The following PIGG variants were observed in gnomAD, a reference collection of about 807,000 sequenced individuals.
PIGG encodes phosphatidylinositol glycan anchor biosynthesis class G (EMM blood group), also known as GPI ethanolamine phosphate transferase 2, catalytic subunit.
PIGG carries 70 observed loss-of-function variants against 83.2 expected under a neutral mutation model. That is an observed-to-expected ratio of 0.84 (90% CI 0.69 to 1.03). The LOEUF (loss-of-function observed/expected upper bound fraction) is 1.03. PIGG is among the 50% of genes least tolerant of loss of function. PIGG has a pLI of 0.00. For synonymous variants in PIGG, 532 were observed against 519.5 expected (o/e 1.02, Z -0.33); for missense variants, 1,257 against 1,233.6 (o/e 1.02, Z -0.28).
intron 7 of PIGG, 122 bp from the exon 8 acceptor site, chr4:521,538 C>T: frequency 1.0e-6 from 1 of 953,126 alleles, no homozygotes; most frequent in Non-Finnish European, 1.5e-6. Flanking sequence ...TCATCTTTTC[C>T]TGAGCTTGCT....
intron 6 of PIGG, among the ~76,000 whole-genome samples, chr4:519,648 G>T (rs921524353): frequency 5.9e-5 from 9 of 152,266 alleles, no homozygotes; most frequent in African/African-American, 1.9e-4. Context: ...TAGTGTTGCT[G>T]GCTACTGGCA....
intron 8 of PIGG, chr4:522,950 T>G (rs1726447196): frequency 6.5e-6 from 1 of 153,894 alleles, no homozygotes; most frequent in Non-Finnish European, 1.4e-5. Context: ...GTTCTGGATT[T>G]CTAGAATATT....
At chr4:531,228 A>T (rs1728974545) in intron 11 of PIGG, 1 of 140,156 alleles carries the variant, frequency 7.1e-6, no homozygotes, top group African/African-American at 3.3e-5. Flanking sequence ...TTGAAGAGAC[A>T]TAGAGGGACA....
At chr4:503,967 T>A (rs899171066) in intron 2 of PIGG, among the ~76,000 whole-genome samples, 2 of 152,084 alleles carry the variant, frequency 1.3e-5, no homozygotes, top group Non-Finnish European at 1.5e-5. Flanking sequence ...GTTCACATTT[T>A]AAAAAATAAC....
chr4:521,388 T>C (rs1372076782), intron 7 of PIGG, 115 bp downstream of exon 7: 3 of 761,456 alleles, frequency 3.9e-6, no homozygotes, highest in Non-Finnish European at 4.2e-6. Flanking sequence ...AAATATTAAT[T>C]TTCTTGTTTA....
At chr4:526,624 G>C (rs780679697) in intron 9 of PIGG, among the ~76,000 whole-genome samples, 1 of 152,130 alleles carries the variant, frequency 6.6e-6, no homozygotes, top group African/African-American at 2.4e-5. Context: ...ACAAGAGGAC[G>C]GTTTCTATTT....
chr4:507,357 TC>T lies in PIGG; in HGVS notation c.571-46del, dbSNP rs782510092. ...TTGCGTTTTCCCCGGGGAGTGAAGATCCAGGGAAATTAGGTGAGTTGTTTAT... is the reference window on the plus strand; with the variant it reads ...TTGCGTTTTCCCCGGGGAGTGAAGATCAGGGAAATTAGGTGAGTTGTTTAT... On this transcript the variant is annotated intron_variant, in intron 3 of 12. Transcript: ENST00000453061. 3 of 1,437,896 alleles carry T rather than the reference TC, an allele frequency of 2.1e-6. No individual in the cohort carries two copies. In the South Asian group the frequency reaches 3.8e-5, roughly 18 times the overall value. 89.1% of individuals were successfully genotyped at this position (1,437,896 alleles called of 1,614,324 possible). A position where few individuals can be genotyped will look rare whatever the true frequency, so the allele number is the denominator to read the frequency against.
chr4:534,787 CG>C (rs900176685), intron 12 of PIGG, among the ~76,000 whole-genome samples: 1 of 151,966 alleles, frequency 6.6e-6, no homozygotes, highest in South Asian at 2.1e-4. Context: ...CAGATGTCCC[CG>C]GGGGATCCCA....
At chr4:525,179 C>T (rs1727235589) in intron 9 of PIGG, 1 of 984,912 alleles carries the variant, frequency 1.0e-6, no homozygotes, top group Non-Finnish European at 1.2e-6. Flanking sequence ...AGGGACAGAG[C>T]CGTGTGGGGG....
At chr4:499,613 C>T in intron 1 of PIGG, 124 bp downstream of exon 1, 1 of 1,424,944 alleles carries the variant, frequency 7.0e-7, no homozygotes, top group Non-Finnish European at 9.1e-7. Flanking sequence ...ATTATGGTCC[C>T]CACCTCAGAA....
At chr4:535,032 A>G (rs1320743557) in intron 12 of PIGG, among the ~76,000 whole-genome samples, 2 of 152,130 alleles carry the variant, frequency 1.3e-5, no homozygotes. Context: ...TCCTCATCGT[A>G]TGTTTCTTGC....
chr4:522,101 G>A, intron 8 of PIGG, 160 bp downstream of exon 8: 7 of 740,020 alleles, frequency 9.5e-6, no homozygotes, highest in South Asian at 1.6e-5. Context: ...AGGACGTGGA[G>A]CAGCCTTATC....
At chr4:532,464 T>G (rs1216100152) in intron 11 of PIGG, 1 of 152,298 alleles carries the variant, frequency 6.6e-6, no homozygotes, top group East Asian at 1.9e-4. Context: ...TCAGTCTCCC[T>G]GCAGAAGAGC....
chr4:522,133 C>T lies in PIGG; in HGVS notation c.1614+192C>T, dbSNP rs932493624. 3 of 645,966 alleles carry T rather than the reference C, an allele frequency of 4.6e-6. No individual in the cohort carries two copies. In the African/African-American group the frequency reaches 5.4e-5, roughly 12 times the overall value. 40.0% of individuals were successfully genotyped at this position (645,966 alleles called of 1,614,324 possible). On this transcript the variant is annotated intron_variant, in intron 8 of 12. Coordinates refer to ENST00000453061, the MANE Select transcript of PIGG (RefSeq NM_001127178.3). The stretch of plus-strand genomic sequence containing the variant: ...TATCCCAGGCCTCTGGGTGTCCCGA[C>T]ACAGGTGTTCACATCTGTGCTGTCA...
intron 6 of PIGG, among the ~76,000 whole-genome samples, chr4:516,728 C>T (rs1408166869): frequency 1.3e-5 from 2 of 151,872 alleles, no homozygotes; most frequent in East Asian, 3.9e-4. Context: ...TGGTGGCGGG[C>T]ACCTGTAATC....
chr4:516,200 C>A lies in PIGG; in HGVS notation c.1114+15C>A. 6.4e-7 allele frequency: 1 copy of A among 1,570,508 alleles called. No homozygotes were observed. Among genetic ancestry groups the A allele is most frequent in the Non-Finnish European group, 8.8e-7 (1 of 1,140,408 alleles). The stretch of plus-strand genomic sequence containing the variant: ...ATATGAAAAAGGTCAGTCAACTCAC[C>A]GTTTCGAGCTCTGTCAGAGCTGTGT... On this transcript the variant is annotated intron_variant, in intron 6 of 12. Coordinates refer to ENST00000453061, the MANE Select transcript of PIGG (RefSeq NM_001127178.3).
In PIGG at chr4:499,294, T is replaced by A. The variant is rs1553873840; in HGVS notation, c.-42T>A. 5.0e-6 allele frequency: 8 copies of A among 1,593,930 alleles called. No individual in the cohort carries two copies. In the Admixed American group the frequency reaches 1.2e-4, roughly 24 times the overall value. Reference sequence around the variant, plus strand: ...AAGCGCGGCTGCAGCAGGGCGAGGCTCCAGGTGGGGTCGGTTCCGCATCCA... The same window carrying A: ...AAGCGCGGCTGCAGCAGGGCGAGGCACCAGGTGGGGTCGGTTCCGCATCCA... On this transcript the variant is annotated 5_prime_UTR_variant, in exon 1 of 13. Coordinates refer to ENST00000453061, the MANE Select transcript of PIGG (RefSeq NM_001127178.3).
Position 507,549 on chromosome 4 carries a change from A to G in PIGG, c.715A>G (p.Met239Val). 3 of 1,614,144 alleles carry G rather than the reference A, an allele frequency of 1.9e-6. No homozygotes were observed. Among genetic ancestry groups the G allele is most frequent in the Non-Finnish European group, 2.5e-6 (3 of 1,180,024 alleles). ...SPLIGQKLSE[M>V]DSVLMKIHTS... ...CCTGATTGGGCAGAAGCTGAGCGAG[A>G]TGGACAGCGTGCTGATGAAGATCCA... Residue 239 changes from methionine (M) to valine (V), a missense_variant, in exon 4 of 13, where the codon ATG becomes GTG. Met to Val is a conservative substitution (Grantham distance 21). Coordinates refer to ENST00000453061, the MANE Select transcript of PIGG (RefSeq NM_001127178.3).
At chr4:529,025 C>T (rs1728388804) in intron 10 of PIGG, among the ~76,000 whole-genome samples, 1 of 152,162 alleles carries the variant, frequency 6.6e-6, no homozygotes. Flanking sequence ...ATCCTTTGCA[C>T]TCAGTTCCTG....
Sources: allele counts gnomAD v4.1 joint callset (sites outside exome capture counted in the v4.1 genomes callset), GRCh38; gene constraint gnomAD v4.1.1; transcripts MANE v1.5; gene names NCBI Gene and HGNC (gene_info 2026-07-23, HGNC 2026-07-21).